Variants in BTBD9 observed in about 807,000 individuals in gnomAD.
BTBD9 encodes the protein BTB/POZ domain-containing protein 9.
In BTBD9, 49 loss-of-function variants were observed where a neutral mutation model predicts 64.3. The ratio of observed to expected loss-of-function variants is 0.76; its 90% confidence interval spans 0.61 to 0.97. The LOEUF (loss-of-function observed/expected upper bound fraction) is 0.97, where lower values mean the gene tolerates loss of function less well. Among genes scored for constraint, BTBD9 ranks in the 50% least tolerant of loss-of-function variants. The pLI, the probability that BTBD9 is intolerant of heterozygous loss-of-function variation, is 0.00. For synonymous variants in BTBD9, 260 were observed against 274.7 expected (o/e 0.95, Z 0.53); for missense variants, 598 against 762.1 (o/e 0.78, Z 2.53).
chr6:38,442,883 G>T (rs1769102275), intron 6 of BTBD9, among the ~76,000 whole-genome samples: 2 of 151,906 alleles, frequency 1.3e-5, no homozygotes, highest in Admixed American at 6.6e-5. Context: ...GGTCAGGCTG[G>T]TCTCAAACTC....
At chr6:38,335,496 G>A (rs563951643) in intron 7 of BTBD9, among the ~76,000 whole-genome samples, 12 of 151,848 alleles carry the variant, frequency 7.9e-5, no homozygotes, top group South Asian at 6.2e-4. Context: ...CAAGCAATCC[G>A]CCTGCTTTAG....
At chr6:38,340,352 T>C (rs1764049715) in intron 7 of BTBD9, among the ~76,000 whole-genome samples, 1 of 152,090 alleles carries the variant, frequency 6.6e-6, no homozygotes, top group Admixed American at 6.6e-5. Context: ...GGGCAGGAAA[T>C]GTACAAAATA....
intron 6 of BTBD9, among the ~76,000 whole-genome samples, chr6:38,368,743 T>C (rs986541611): frequency 1.3e-5 from 2 of 152,102 alleles, no homozygotes; most frequent in Non-Finnish European, 2.9e-5. Flanking sequence ...ATCAGAGCAT[T>C]CACTGGATCC....
chr6:38,626,404 T>C (rs1298260502), intron 1 of BTBD9, among the ~76,000 whole-genome samples: 1 of 152,194 alleles, frequency 6.6e-6, no homozygotes, highest in African/African-American at 2.4e-5. Context: ...CTAAGTCTTA[T>C]TCATTCTTTT....
intron 1 of BTBD9, among the ~76,000 whole-genome samples, chr6:38,634,449 TC>T (rs1778463705): frequency 6.6e-6 from 1 of 152,154 alleles, no homozygotes; most frequent in Admixed American, 6.6e-5. Flanking sequence ...TCTGTAAACT[TC>T]CCAGGAACAG....
At chr6:38,621,844 T>C (rs1216262100) in intron 1 of BTBD9, among the ~76,000 whole-genome samples, 3 of 152,142 alleles carry the variant, frequency 2.0e-5, no homozygotes, top group African/African-American at 4.8e-5. Context: ...GAGGCCAAAA[T>C]TGCTGCCAGG....
At chr6:38,384,930 G>A (rs1766089030) in intron 6 of BTBD9, among the ~76,000 whole-genome samples, 1 of 151,850 alleles carries the variant, frequency 6.6e-6, no homozygotes, top group African/African-American at 2.4e-5. Flanking sequence ...AGCTTTAACT[G>A]TAGCTATCTG....
chr6:38,410,758 T>G (rs1020998138), intron 6 of BTBD9, among the ~76,000 whole-genome samples: 1 of 152,078 alleles, frequency 6.6e-6, no homozygotes, highest in African/African-American at 2.4e-5. Flanking sequence ...CCGGGTACAG[T>G]GGCTCACACC....
At chr6:38,609,202 A>AAAAC (rs1234325665) in intron 1 of BTBD9, among the ~76,000 whole-genome samples, 1 of 152,242 alleles carries the variant, frequency 6.6e-6, no homozygotes, top group Non-Finnish European at 1.5e-5. Context: ...TCATCTCTTC[A>AAAAC]AAACAAACAA....
At chr6:38,410,348 A>T (rs1198607167) in intron 6 of BTBD9, among the ~76,000 whole-genome samples, 8 of 151,982 alleles carry the variant, frequency 5.3e-5, no homozygotes, top group Admixed American at 5.2e-4. Flanking sequence ...GGTAGCATGC[A>T]CCTGTAGTCT....
At chr6:38,322,021 C>T (rs556116045) in intron 7 of BTBD9, among the ~76,000 whole-genome samples, 2 of 151,994 alleles carry the variant, frequency 1.3e-5, no homozygotes, top group Admixed American at 6.6e-5. Context: ...ATTGCGAATG[C>T]TGTGTATTAG....
chr6:38,489,019 C>A (rs1216457107), intron 6 of BTBD9, among the ~76,000 whole-genome samples: 1 of 151,840 alleles, frequency 6.6e-6, no homozygotes, highest in Non-Finnish European at 1.5e-5. Context: ...CTTCAGCTTC[C>A]CAAGTAGCTG....
intron 9 of BTBD9, among the ~76,000 whole-genome samples, chr6:38,210,130 T>C (rs1193665620): frequency 1.3e-5 from 2 of 152,080 alleles, no homozygotes; most frequent in African/African-American, 4.8e-5. Context: ...AGCCCCAACC[T>C]TGCTCCCACT....
chr6:38,344,696 T>C (rs1013623243), intron 7 of BTBD9, among the ~76,000 whole-genome samples: 2 of 152,212 alleles, frequency 1.3e-5, no homozygotes, highest in Non-Finnish European at 1.5e-5. Context: ...GTGAGGGGCT[T>C]CACCTGACTA....
At chr6:38,610,880 T>C (rs1777593977) in intron 1 of BTBD9, among the ~76,000 whole-genome samples, 1 of 146,730 alleles carries the variant, frequency 6.8e-6, no homozygotes, top group African/African-American at 2.5e-5. Context: ...ATAAGGTTAT[T>C]AATTACAGCA....
At chr6:38,633,194 T>A (rs1013957540) in intron 1 of BTBD9, among the ~76,000 whole-genome samples, 1 of 152,210 alleles carries the variant, frequency 6.6e-6, no homozygotes, top group Non-Finnish European at 1.5e-5. Flanking sequence ...AGACTGCATT[T>A]CTACATCAAG....
intron 6 of BTBD9, among the ~76,000 whole-genome samples, chr6:38,509,474 G>T (rs1772684742): frequency 6.6e-6 from 1 of 152,098 alleles, no homozygotes; most frequent in African/African-American, 2.4e-5. Context: ...ATAAATACTG[G>T]CTGGAAAGGC....
At chr6:38,446,118 G>C (rs1297933570) in intron 6 of BTBD9, among the ~76,000 whole-genome samples, 3 of 152,138 alleles carry the variant, frequency 2.0e-5, no homozygotes, top group African/African-American at 4.8e-5. Context: ...TGAGTAGTGA[G>C]GGCTCCACTC....
At chr6:38,448,808 G>C (rs1019447219) in intron 6 of BTBD9, among the ~76,000 whole-genome samples, 1 of 152,092 alleles carries the variant, frequency 6.6e-6, no homozygotes, top group Non-Finnish European at 1.5e-5. Context: ...ATGAGCCACC[G>C]CACCCGGCCC....
Sources: allele counts gnomAD v4.1 joint callset (sites outside exome capture counted in the v4.1 genomes callset), GRCh38; gene constraint gnomAD v4.1.1; transcripts MANE v1.5; gene names NCBI Gene and HGNC (gene_info 2026-07-23, HGNC 2026-07-21).